Variants in UBE3C observed in about 807,000 individuals in gnomAD.
UBE3C encodes ubiquitin protein ligase E3C.
UBE3C carries 42 observed loss-of-function variants against 129.4 expected under a neutral mutation model. That is an observed-to-expected ratio of 0.32 (90% confidence interval 0.25 to 0.42). UBE3C has a LOEUF of 0.42. Ranked by LOEUF, UBE3C falls within the 10% of genes least tolerant of loss-of-function variation. The pLI is 1.00. For missense variants in UBE3C, 1,049 were observed against 1,319.1 expected (o/e 0.80, Z 3.17); for synonymous variants, 510 against 492.4 (o/e 1.04, Z -0.47).
At chr7:157,216,778 G>A (rs1795586644) in intron 13 of UBE3C, 89 bp from the exon 14 acceptor site, 5 of 1,038,990 alleles carry the variant, frequency 4.8e-6, no homozygotes, top group Non-Finnish European at 5.8e-6. Flanking sequence ...CACCACCGCT[G>A]TGTGCTCCTC....
chr7:157,219,402 G>A (rs2023975), intron 14 of UBE3C, among the ~76,000 whole-genome samples: 70,704 of 151,978 alleles, frequency 0.47, 18,642 homozygotes, highest in African/African-American at 0.73. Context: ...GCAGAGATGG[G>A]GCCTCTCAGT....
intron 18 of UBE3C, among the ~76,000 whole-genome samples, chr7:157,237,994 G>A (rs1236912308): frequency 6.6e-6 from 1 of 152,104 alleles, no homozygotes; most frequent in Non-Finnish European, 1.5e-5. Flanking sequence ...AGAGGCTGCA[G>A]TGAGCAGTGA....
At chr7:157,221,240 T>C (rs1795727827) in intron 15 of UBE3C, 1 of 154,226 alleles carries the variant, frequency 6.5e-6, no homozygotes, top group Non-Finnish European at 1.4e-5. Flanking sequence ...TACAGGTTTT[T>C]CTGTGAACAT....
At chr7:157,165,460 C>T (rs1255193446) in intron 2 of UBE3C, among the ~76,000 whole-genome samples, 1 of 149,718 alleles carries the variant, frequency 6.7e-6, no homozygotes, top group Non-Finnish European at 1.5e-5. Context: ...TGCAGTGGCA[C>T]GATCTCAGCT....
intron 11 of UBE3C, 107 bp from the exon 12 acceptor site, chr7:157,207,291 A>G (rs1469194884): frequency 1.4e-6 from 2 of 1,460,532 alleles, no homozygotes; most frequent in African/African-American, 1.4e-5. Flanking sequence ...CCTAATGCAA[A>G]TGTTACTTTC....
In UBE3C at chr7:157,170,358, G is replaced by T. The variant is rs140532774; in HGVS notation, c.250G>T (p.Gly84Cys). ...CTGTGCTACCTTGTCACAGTCCGGG[G>T]GCGCTTTTCCCATTGCTAATGGCCC... ...DRCATLSQSG[G>C]AFPIANGPNL... Residue 84 changes from glycine to cysteine, a missense_variant, in exon 4 of 23, where the codon GGC becomes TGC. By Grantham distance (159) the Gly-to-Cys change is radical. Coordinates refer to ENST00000348165, the MANE Select transcript of UBE3C (RefSeq NM_014671.3). The T allele has an allele frequency of 6.3e-7, 1 of 1,576,632 alleles. No homozygotes were observed. Among genetic ancestry groups the T allele is most frequent in the South Asian group, 1.2e-5 (1 of 84,174 alleles).
chr7:157,244,804 A>G (rs1584817091), intron 18 of UBE3C, among the ~76,000 whole-genome samples: 1 of 152,368 alleles, frequency 6.6e-6, no homozygotes, highest in East Asian at 1.9e-4. Flanking sequence ...AAACATTCAT[A>G]AAAGACAGAC....
chr7:157,177,450 T>C (rs1234438457), intron 5 of UBE3C, among the ~76,000 whole-genome samples: 1 of 152,224 alleles, frequency 6.6e-6, no homozygotes, highest in Admixed American at 6.5e-5. Context: ...CCAGCACTTC[T>C]CTCTGTTGCA....
At chr7:157,214,477 A>G (rs1417084781) in intron 13 of UBE3C, among the ~76,000 whole-genome samples, 1 of 152,234 alleles carries the variant, frequency 6.6e-6, no homozygotes, top group Non-Finnish European at 1.5e-5. Flanking sequence ...TGGGGACCCC[A>G]GGATTCCATG....
chr7:157,240,082 T>C (rs1050464658), intron 18 of UBE3C, among the ~76,000 whole-genome samples: 11 of 152,030 alleles, frequency 7.2e-5, no homozygotes, highest in Non-Finnish European at 1.5e-4. Flanking sequence ...TTTTGGTTTT[T>C]GGTTTTTTGG....
chr7:157,152,717 C>T (rs115917241), intron 1 of UBE3C, among the ~76,000 whole-genome samples: 1,555 of 152,188 alleles, frequency 0.01, 25 homozygotes, highest in African/African-American at 0.035. Context: ...GGATGCTGTA[C>T]GGCCTCTCCC....
At chr7:157,263,751 ATT>A (rs200761950) in intron 22 of UBE3C, among the ~76,000 whole-genome samples, 83 of 124,724 alleles carry the variant, frequency 6.7e-4, no homozygotes, top group Non-Finnish European at 8.5e-4. Context: ...TTTATATTGG[ATT>A]TTTTTTTTTT....
At chr7:157,171,394 G>A (rs1808362093) in intron 4 of UBE3C, among the ~76,000 whole-genome samples, 1 of 151,742 alleles carries the variant, frequency 6.6e-6, no homozygotes, top group South Asian at 2.1e-4. Context: ...TCCCAAAGTG[G>A]TAGAATTATA....
At chr7:157,187,522 C>A (rs961637619) in intron 10 of UBE3C, among the ~76,000 whole-genome samples, 5 of 151,748 alleles carry the variant, frequency 3.3e-5, no homozygotes, top group African/African-American at 1.2e-4. Flanking sequence ...GCTGGGACCA[C>A]AGGTGTGCAC....
chr7:157,188,179 TGTCA>T (rs1178021052), intron 10 of UBE3C, among the ~76,000 whole-genome samples: 1 of 152,266 alleles, frequency 6.6e-6, no homozygotes, highest in Non-Finnish European at 1.5e-5. Flanking sequence ...AGGCAAAAGC[TGTCA>T]GTAAGTAAGC....
In UBE3C at chr7:157,198,252, A is replaced by G; in HGVS notation, c.1332-3469A>G. 2.4e-6 allele frequency: 3 copies of G among 1,238,462 alleles called. No homozygotes were observed. The South Asian group carries it at 3.6e-5, about 15-fold the overall frequency. 76.7% of individuals were successfully genotyped at this position (1,238,462 alleles called of 1,614,324 possible). A position where few individuals can be genotyped will look rare whatever the true frequency, so the allele number is the denominator to read the frequency against. Reference sequence around the variant, plus strand: ...ACCCAATCTGTATCCTCCACCTGTAAATGACATTGAGGTGGTGTCCGTGGG... The same window carrying G: ...ACCCAATCTGTATCCTCCACCTGTAGATGACATTGAGGTGGTGTCCGTGGG... On this transcript the variant is annotated intron_variant, in intron 10 of 22. Transcript: ENST00000348165.
intron 10 of UBE3C, among the ~76,000 whole-genome samples, chr7:157,201,094 C>T (rs1029186008): frequency 2.2e-4 from 34 of 152,068 alleles, no homozygotes; most frequent in African/African-American, 8.0e-4. Context: ...GATGCTGAGG[C>T]GGGTGGATCA....
At position 157,190,496 on chromosome 7, in the gene UBE3C, G is replaced by A. The variant is rs376177843; in HGVS notation, c.1331+3475G>A. On this transcript the variant is annotated intron_variant, in intron 10 of 22. Transcript: ENST00000348165. Reference sequence around the variant, plus strand: ...ACCAAAGCCACATTTCAAGTGCCCAGTAGCCACATGTGGCCAGGGGCTACC... The same window carrying A: ...ACCAAAGCCACATTTCAAGTGCCCAATAGCCACATGTGGCCAGGGGCTACC... Among the ~76,000 whole-genome samples the A allele has an allele frequency of 9.7e-4, 147 of 152,258 alleles. 2 individuals carry two copies. The highest frequency in any genetic ancestry group is 3.4e-3 in the African/African-American group (140 of 41,556).
At chr7:157,160,821 CTG>C (rs1808049041) in intron 1 of UBE3C, among the ~76,000 whole-genome samples, 2 of 152,252 alleles carry the variant, frequency 1.3e-5, no homozygotes, top group Admixed American at 1.3e-4. Flanking sequence ...CATTTTTAAA[CTG>C]GATTCTGTGA....
Sources: gnomAD v4.1 joint callset for allele counts (sites outside exome capture counted in the v4.1 genomes callset) on GRCh38, gnomAD v4.1.1 for gene constraint, MANE v1.5 for transcripts, NCBI Gene and HGNC (gene_info 2026-07-23, HGNC 2026-07-21) for gene names.